Variants in MYT1L observed in about 807,000 individuals in gnomAD.
MYT1L encodes myelin transcription factor 1 like, also known as myelin transcription factor 1-like protein.
MYT1L carries 12 observed loss-of-function variants against 126.7 expected under a neutral mutation model. That is an observed-to-expected ratio of 0.09 (90% CI 0.06 to 0.15). The LOEUF is 0.15. Among genes scored for constraint, MYT1L ranks in the 10% least tolerant of loss-of-function variants. The probability of loss-of-function intolerance (pLI) is 1.00; values close to 1 mark genes in which losing one functional copy is unlikely to be tolerated. For missense variants in MYT1L, 979 were observed against 1,585.2 expected, an observed-to-expected ratio of 0.62 and a Z score of 6.49; for synonymous variants, 541 against 604.2, an observed-to-expected ratio of 0.90 and a Z score of 1.53.
intron 23 of MYT1L, 123 bp from the exon 24 acceptor site, chr2:1,792,587 G>A (rs1397467125): frequency 1.0e-5 from 11 of 1,095,940 alleles, no homozygotes; most frequent in Non-Finnish European, 1.3e-5. Context: ...GAAAGGCTTC[G>A]GGCCGGGCGC....
chr2:2,158,821 G>C (rs999520875), intron 3 of MYT1L, among the ~76,000 whole-genome samples: 1 of 152,138 alleles, frequency 6.6e-6, no homozygotes, highest in Non-Finnish European at 1.5e-5. Flanking sequence ...TTCACCGACA[G>C]GCAGACAGCG....
At chr2:1,810,846 G>A (rs963008424) in intron 21 of MYT1L, among the ~76,000 whole-genome samples, 1 of 152,054 alleles carries the variant, frequency 6.6e-6, no homozygotes, top group Non-Finnish European at 1.5e-5. Context: ...TTTTTTTGAT[G>A]TGATGTTTGC....
In MYT1L at chr2:1,947,963, T is replaced by C. The variant is rs139967030; in HGVS notation, c.153-4629A>G. 1.5e-3 allele frequency among the ~76,000 whole-genome samples: 234 copies of C among 152,368 alleles called. 4 individuals carry two copies. Among genetic ancestry groups the C allele is most frequent in the African/African-American group, 5.3e-3 (221 of 41,588 alleles). ...CGACCAAGGGCGTGAGCTCCAGGCT[T>C]GGTGTTGTTAACACCTCTTTGAGCA... is the stretch of plus-strand genomic sequence containing the variant. On this transcript the variant is annotated intron_variant, in intron 8 of 24. Coordinates refer to ENST00000647738, the MANE Select transcript of MYT1L (RefSeq NM_001303052.2).
intron 2 of MYT1L, among the ~76,000 whole-genome samples, chr2:2,179,160 G>A (rs563869343): frequency 4.6e-5 from 7 of 152,264 alleles, no homozygotes; most frequent in African/African-American, 1.7e-4. Context: ...ACATGGCCAA[G>A]GAAGTGGCTC....
rs71276815 is a variant in MYT1L, at chr2:1,934,291, C to CATATATATATATATAT, written c.505+8675_505+8690dup. 2.1e-3 allele frequency among the ~76,000 whole-genome samples: 254 copies of CATATATATATATATAT among 123,528 alleles called. 3 individuals are homozygous for CATATATATATATATAT. The highest frequency in any genetic ancestry group is 6.7e-3 in the African/African-American group (222 of 33,178). 81.0% of individuals were successfully genotyped at this position (123,528 alleles called of 152,430 possible). A position where few individuals can be genotyped will look rare whatever the true frequency, so the allele number is the denominator to read the frequency against. On this transcript the variant is annotated intron_variant, in intron 9 of 24. Coordinates refer to ENST00000647738, the MANE Select transcript of MYT1L (RefSeq NM_001303052.2). ...CCCCGCCTGATTTTGATTTTTATAACATATATATATATATATACAACCTCA... is the reference window on the plus strand; with the variant it reads ...CCCCGCCTGATTTTGATTTTTATAACATATATATATATATATATATATATATATATATACAACCTCA...
chr2:2,096,455 G>T (rs1329158000), intron 3 of MYT1L, among the ~76,000 whole-genome samples: 1 of 152,180 alleles, frequency 6.6e-6, no homozygotes, highest in Non-Finnish European at 1.5e-5. Context: ...GGTTGTTCAG[G>T]TTCCTAGACA....
Position 2,224,751 on chromosome 2 carries a change from G to A in MYT1L, c.-420-51763C>T, listed in dbSNP as rs948741300. 1.8e-4 allele frequency among the ~76,000 whole-genome samples: 27 copies of A among 152,046 alleles called. No individual in the cohort carries two copies. The highest frequency in any genetic ancestry group is 4.1e-4 in the South Asian group (2 of 4,820). ...GGAGAATGACATGAACCCGGGAGGCGGAGCTTGCAGGGAGCTGAGATTGAG... is the reference window on the plus strand; with the variant it reads ...GGAGAATGACATGAACCCGGGAGGCAGAGCTTGCAGGGAGCTGAGATTGAG... On this transcript the variant is annotated intron_variant, in intron 2 of 24. Transcript: ENST00000647738. This position sits in a 1 kb window ranked among gnomAD's most constrained non-coding sequence, Gnocchi z 4.0.
intron 3 of MYT1L, among the ~76,000 whole-genome samples, chr2:2,103,229 G>T (rs756545777): frequency 2.0e-5 from 3 of 152,116 alleles, no homozygotes; most frequent in Non-Finnish European, 4.4e-5. Flanking sequence ...ACTTACAATG[G>T]CCTCTACATG....
At position 1,892,402 on chromosome 2, in the gene MYT1L, C is replaced by T. The variant is rs1228452522; in HGVS notation, c.2033-115G>A. ...GCCACACACAGCCGCGTGGGACGGC[C>T]CTCAGGGTGCTGGGGCTTACGCGTA... On this transcript the variant is annotated intron_variant, in intron 14 of 24. Transcript: ENST00000647738. The T allele has an allele frequency of 2.1e-6, 3 of 1,401,760 alleles. No individual in the cohort carries two copies. The African/African-American group carries it at 4.3e-5, about 20-fold the overall frequency. The allele number at this position is 1,401,760 out of a possible 1,614,324, so 86.8% of individuals were successfully genotyped here.
chr2:1,966,966 G>A (rs987114723), intron 8 of MYT1L, among the ~76,000 whole-genome samples: 1 of 152,056 alleles, frequency 6.6e-6, no homozygotes, highest in African/African-American at 2.4e-5. Flanking sequence ...AGCTAGATGT[G>A]TTGATACTGG....
intron 2 of MYT1L, among the ~76,000 whole-genome samples, chr2:2,272,798 C>T (rs564965486): frequency 3.0e-4 from 45 of 152,270 alleles, no homozygotes; most frequent in Middle Eastern, 3.4e-3. Context: ...ATTGGCTGCT[C>T]GGAGGAACTC....
At chr2:2,139,264 T>G (rs1173161235) in intron 3 of MYT1L, among the ~76,000 whole-genome samples, 1 of 152,022 alleles carries the variant, frequency 6.6e-6, no homozygotes, top group Non-Finnish European at 1.5e-5. Flanking sequence ...GCCATGAAAT[T>G]TCATCTTCTT....
intron 10 of MYT1L, among the ~76,000 whole-genome samples, chr2:1,920,932 G>A (rs1293165657): frequency 6.6e-6 from 1 of 152,186 alleles, no homozygotes; most frequent in African/African-American, 2.4e-5. Context: ...CGCTGTCTGT[G>A]CCCAGGCACC....
intron 8 of MYT1L, among the ~76,000 whole-genome samples, chr2:1,974,216 G>C (rs1041181033): frequency 2.0e-5 from 3 of 152,120 alleles, no homozygotes; most frequent in Admixed American, 2.0e-4. Context: ...TTGTGAGCTT[G>C]GTGGCTGGAC....
intron 2 of MYT1L, among the ~76,000 whole-genome samples, chr2:2,267,754 G>T (rs542617238): frequency 1.3e-5 from 2 of 152,246 alleles, no homozygotes; most frequent in Admixed American, 6.5e-5. Flanking sequence ...GAAATATCCT[G>T]CAAGGAGGTG....
At chr2:1,884,976 G>A (rs1185419030) in intron 18 of MYT1L, among the ~76,000 whole-genome samples, 2 of 152,172 alleles carry the variant, frequency 1.3e-5, no homozygotes, top group Non-Finnish European at 1.5e-5. Context: ...AACATAAGCC[G>A]CCAAGCCCAA....
intron 22 of MYT1L, among the ~76,000 whole-genome samples, chr2:1,804,526 C>T (rs888802295): frequency 6.6e-6 from 1 of 152,216 alleles, no homozygotes; most frequent in Non-Finnish European, 1.5e-5. Context: ...AGCCAAAAAG[C>T]AGCATCTCAG....
At chr2:2,028,490 A>T (rs2065876393) in intron 4 of MYT1L, among the ~76,000 whole-genome samples, 1 of 152,246 alleles carries the variant, frequency 6.6e-6, no homozygotes, top group South Asian at 2.1e-4. Flanking sequence ...GTAGGAAAAG[A>T]AAATGAAGGT....
chr2:2,186,176 C>T (rs1260325593), intron 2 of MYT1L, among the ~76,000 whole-genome samples: 1 of 130,270 alleles, frequency 7.7e-6, no homozygotes. Context: ...GCGTTCCTTA[C>T]GTGAGGGGGA....
Sources: allele counts gnomAD v4.1 joint callset (sites outside exome capture counted in the v4.1 genomes callset), GRCh38; gene constraint gnomAD v4.1.1; non-coding constraint Gnocchi (gnomAD v3.1); transcripts MANE v1.5; gene names NCBI Gene and HGNC (gene_info 2026-07-23, HGNC 2026-07-21).